Variants in CFAP100 observed in about 807,000 individuals in gnomAD.
CFAP100 encodes cilia and flagella associated protein 100.
In CFAP100, 70 loss-of-function variants were observed where a neutral mutation model predicts 81.5. The observed-to-expected ratio is 0.86, with a 90% confidence interval of 0.71 to 1.05. CFAP100 has a LOEUF of 1.05. CFAP100 is among the 50% of genes least tolerant of loss of function. The probability of loss-of-function intolerance (pLI) is 0.00; values close to 1 mark genes in which losing one functional copy is unlikely to be tolerated. For missense variants in CFAP100, 811 were observed against 776.5 expected (o/e 1.04, Z -0.53); for synonymous variants, 341 against 314.8 (o/e 1.08, Z -0.88).
At chr3:126,434,500 A>C in intron 15 of CFAP100, 119 bp downstream of exon 15, 1 of 986,070 alleles carries the variant, frequency 1.0e-6, no homozygotes, top group South Asian at 1.7e-5. Context: ...GCTCTGTGCT[A>C]TGAGAGACAA....
At chr3:126,405,060 A>G (rs2083043322) in intron 2 of CFAP100, among the ~76,000 whole-genome samples, 4 of 152,018 alleles carry the variant, frequency 2.6e-5, no homozygotes, top group Admixed American at 2.6e-4. Context: ...GTTCGGTGGC[A>G]TTGACCACAT....
At chr3:126,431,204 C>CA (rs1933210791) in intron 13 of CFAP100, among the ~76,000 whole-genome samples, 1 of 151,778 alleles carries the variant, frequency 6.6e-6, no homozygotes, top group Admixed American at 6.5e-5. Flanking sequence ...GTGAGGTCTG[C>CA]ACAGGGCCTA....
Position 126,420,212 on chromosome 3 carries a change from C to G in CFAP100, c.1065C>G (p.Ser355Arg). The change falls in exon 11 of 17, where the codon AGC becomes AGG. Residue 355 changes from serine to arginine, a missense_variant. Transcript: ENST00000352312. Reference protein sequence around the residue: ...PQQGSQPSESSGGDSRGSNSP... With the variant: ...PQQGSQPSESRGGDSRGSNSP... ...AAGGCAGCCAGCCCAGCGAGTCCAG[C>G]GGTGGCGACTCCAGAGGGTGAGTGG... 6.2e-7 allele frequency: 1 copy of G among 1,612,420 alleles called. No individual in the cohort carries two copies. The highest frequency in any genetic ancestry group is 8.5e-7 in the Non-Finnish European group (1 of 1,179,980).
rs1301747804 is a variant in CFAP100 at position 126,411,173 on chromosome 3, T to C, written c.131-2912T>C. Among the ~76,000 whole-genome samples the C allele has an allele frequency of 2.0e-5, 3 of 152,354 alleles. No homozygotes were observed. The East Asian group carries it at 5.8e-4, about 29-fold the overall frequency. ...ATGGTTTTTGTTTTAATTCTGCTTA[T>C]GTGATGTATCACATGTATTGACTTG... On this transcript the variant is annotated intron_variant, in intron 3 of 16. Coordinates refer to ENST00000352312, the MANE Select transcript of CFAP100 (RefSeq NM_182628.3).
At chr3:126,396,795 T>C (rs2082896372) in intron 2 of CFAP100, 1 of 152,224 alleles carries the variant, frequency 6.6e-6, no homozygotes, top group Non-Finnish European at 1.5e-5. Flanking sequence ...TTGCATGCAT[T>C]TGCCAAGATC....
intron 2 of CFAP100, among the ~76,000 whole-genome samples, chr3:126,401,804 C>A (rs555550529): frequency 6.6e-4 from 101 of 152,204 alleles, no homozygotes; most frequent in African/African-American, 2.4e-3. Flanking sequence ...CTGCCAAACC[C>A]TGGTCCTTCT....
At chr3:126,427,683 A>AT (rs1352758504) in intron 13 of CFAP100, among the ~76,000 whole-genome samples, 1 of 152,232 alleles carries the variant, frequency 6.6e-6, no homozygotes, top group Non-Finnish European at 1.5e-5. Flanking sequence ...CTAGCAATGA[A>AT]TGAGACTTCC....
chr3:126,420,351 T>G, intron 11 of CFAP100, 122 bp downstream of exon 11: 14 of 1,377,048 alleles, frequency 1.0e-5, no homozygotes, highest in Non-Finnish European at 1.4e-5. Flanking sequence ...CAGTCCCTAC[T>G]CCAAGAAGGG....
At chr3:126,419,926 GC>G in intron 9 of CFAP100, 53 bp from the exon 10 acceptor site, 1 of 1,612,518 alleles carries the variant, frequency 6.2e-7, no homozygotes, top group Non-Finnish European at 8.5e-7. Context: ...ACATGGCGTT[GC>G]TGAAGCTTGG....
Position 126,423,579 on chromosome 3 carries a change from C to G in CFAP100, c.1221C>G (p.Asn407Lys). ...AGCAGAACCTGTCGCTGATCCAGAA[C>G]AGCCAGGAGACGGAGAAGACCCTGG... Reference protein sequence around the residue: ...LEEQNLSLIQNSQETEKTLEE... With the variant: ...LEEQNLSLIQKSQETEKTLEE... Residue 407 changes from asparagine (N) to lysine (K), a missense_variant, in exon 13 of 17, where the codon AAC becomes AAG. Coordinates refer to ENST00000352312, the MANE Select transcript of CFAP100 (RefSeq NM_182628.3). The G allele has an allele frequency of 8.7e-6, 14 of 1,612,672 alleles. No individual in the cohort carries two copies. Among genetic ancestry groups the G allele is most frequent in the Non-Finnish European group, 1.2e-5 (14 of 1,178,810 alleles).
chr3:126,403,719 G>A (rs2083022539), intron 2 of CFAP100, among the ~76,000 whole-genome samples: 1 of 151,970 alleles, frequency 6.6e-6, no homozygotes, highest in Non-Finnish European at 1.5e-5. Flanking sequence ...TTCACACCCA[G>A]TTCATTCTTT....
chr3:126,435,025 C>T (rs965461069), intron 15 of CFAP100, among the ~76,000 whole-genome samples: 1 of 152,130 alleles, frequency 6.6e-6, no homozygotes, highest in Non-Finnish European at 1.5e-5. Context: ...TCATCCACCC[C>T]GTGCAGGGCT....
At chr3:126,418,890 C>T in intron 7 of CFAP100, 116 bp downstream of exon 7, 3 of 1,316,858 alleles carry the variant, frequency 2.3e-6, no homozygotes, top group Non-Finnish European at 3.1e-6. Flanking sequence ...CCTCTGGAAG[C>T]ACCAGGGCCG....
At chr3:126,428,501 C>A (rs537913339) in intron 13 of CFAP100, among the ~76,000 whole-genome samples, 1 of 152,286 alleles carries the variant, frequency 6.6e-6, no homozygotes, top group South Asian at 2.1e-4. Context: ...AGGGAACCTG[C>A]ATGTAAAGTC....
intron 2 of CFAP100, 39 bp from the exon 3 acceptor site, chr3:126,407,133 G>C: frequency 7.0e-7 from 1 of 1,435,508 alleles, no homozygotes; most frequent in Non-Finnish European, 9.8e-7. Context: ...ATGGGCCAGG[G>C]GAGTCACTGC....
At chr3:126,397,538 G>A (rs1371779246) in intron 2 of CFAP100, among the ~76,000 whole-genome samples, 1 of 152,218 alleles carries the variant, frequency 6.6e-6, no homozygotes, top group Non-Finnish European at 1.5e-5. Context: ...TTGGTATGAG[G>A]GGGAGTGCCT....
intron 13 of CFAP100, among the ~76,000 whole-genome samples, chr3:126,427,465 T>A (rs939335874): frequency 6.6e-6 from 1 of 152,178 alleles, no homozygotes; most frequent in African/African-American, 2.4e-5. Flanking sequence ...TATAGTAGGT[T>A]TTCACTGGTG....
At chr3:126,428,745 G>A (rs1386241130) in intron 13 of CFAP100, among the ~76,000 whole-genome samples, 2 of 152,086 alleles carry the variant, frequency 1.3e-5, no homozygotes, top group Admixed American at 6.6e-5. Flanking sequence ...CTTTGCTATC[G>A]AGGTGATACT....
Position 126,430,449 on chromosome 3 carries a change from T to A in CFAP100, c.1287-2620T>A, listed in dbSNP as rs544799216. ...GATTTGATCTTATAAATTATATGAA[T>A]ATATTACCACAGGTACTCCAAAAAT... On this transcript the variant is annotated intron_variant, in intron 13 of 16. Coordinates refer to ENST00000352312, the MANE Select transcript of CFAP100 (RefSeq NM_182628.3). Among the ~76,000 whole-genome samples the A allele has an allele frequency of 2.0e-5, 3 of 152,294 alleles. No individual in the cohort carries two copies. In the East Asian group the frequency reaches 5.8e-4, roughly 29 times the overall value.
Sources: gnomAD v4.1 joint callset for allele counts (sites outside exome capture counted in the v4.1 genomes callset) on GRCh38, gnomAD v4.1.1 for gene constraint, MANE v1.5 for transcripts, NCBI Gene and HGNC (gene_info 2026-07-23, HGNC 2026-07-21) for gene names.